Variants in TSBP1 observed in about 807,000 individuals in gnomAD.
The protein encoded by TSBP1 is testis expressed basic protein 1.
In TSBP1, 56 loss-of-function variants were observed where a neutral mutation model predicts 68.8. That is an observed-to-expected ratio of 0.81 (90% CI 0.66 to 1.02). The LOEUF is 1.02. Ranked by LOEUF, TSBP1 falls within the 50% of genes least tolerant of loss-of-function variation. The pLI is 0.00. For synonymous variants in TSBP1, 171 were observed against 208.7 expected, an observed-to-expected ratio of 0.82 and a Z score of 1.56; for missense variants, 502 against 641.2, an observed-to-expected ratio of 0.78 and a Z score of 2.34.
At chr6:32,329,171 A>G (rs1351418714) in intron 16 of TSBP1, among the ~76,000 whole-genome samples, 1 of 152,172 alleles carries the variant, frequency 6.6e-6, no homozygotes, top group Non-Finnish European at 1.5e-5. Context: ...ATAAAATAGC[A>G]ATATATTTTT....
chr6:32,330,527 G>A (rs539527072), intron 16 of TSBP1, 62 bp downstream of exon 17: 9 of 1,483,792 alleles, frequency 6.1e-6, no homozygotes, highest in Non-Finnish European at 7.5e-6. Context: ...CAGGGAACAG[G>A]CCCTCTAGAC....
intron 8 of TSBP1, among the ~76,000 whole-genome samples, chr6:32,353,229 C>CT (rs1771900841): frequency 6.6e-6 from 1 of 151,836 alleles, no homozygotes; most frequent in African/African-American, 2.4e-5. Context: ...TATTAGAACT[C>CT]TAAGAGCACA....
chr6:32,351,646 T>C (rs1771732798), intron 8 of TSBP1, among the ~76,000 whole-genome samples: 1 of 152,084 alleles, frequency 6.6e-6, no homozygotes, highest in Non-Finnish European at 1.5e-5. Flanking sequence ...TAAAGTTAAA[T>C]TTTTCTGTAA....
chr6:32,292,911 A>G lies in TSBP1; in HGVS notation c.*70T>C, dbSNP rs1176297603. ...GTAATCTGTTTAGGCAATGGCTGGG[A>G]TATGGTTTGTATCTGGAGTATGGGA... On this transcript the variant is annotated 3_prime_UTR_variant, in exon 23 of 23. Transcript: ENST00000612031. The surrounding 1 kb of genome is among the most constrained non-coding windows in gnomAD (Gnocchi z 4.1). 1 of 897,558 alleles carries G rather than the reference A, an allele frequency of 1.1e-6. No individual in the cohort carries two copies. Among genetic ancestry groups the G allele is most frequent in the Non-Finnish European group, 1.7e-6 (1 of 572,502 alleles). 55.6% of individuals were successfully genotyped at this position (897,558 alleles called of 1,614,324 possible). A position where few individuals can be genotyped will look rare whatever the true frequency, so the allele number is the denominator to read the frequency against.
chr6:32,349,165 TTG>T (rs1771406042), intron 9 of TSBP1, among the ~76,000 whole-genome samples: 1 of 151,674 alleles, frequency 6.6e-6, no homozygotes, highest in Admixed American at 6.6e-5. Flanking sequence ...ATTCATGTGG[TTG>T]TCTGGCTCAA....
At position 32,314,713 on chromosome 6, in the gene TSBP1, T is replaced by A. The variant is rs1766769497; in HGVS notation, c.580+1059A>T. Among the ~76,000 whole-genome samples, 1 of 152,256 alleles carries A rather than the reference T, an allele frequency of 6.6e-6. No individual in the cohort carries two copies. Among genetic ancestry groups the A allele is most frequent in the Admixed American group, 6.5e-5 (1 of 15,284 alleles). On this transcript the variant is annotated intron_variant, in intron 19 of 22. Transcript: ENST00000612031. This position sits in a 1 kb window ranked among gnomAD's most constrained non-coding sequence, Gnocchi z 4.2. ...AATAAAATGTTGTTATTATGAAAAC[T>A]ATATCCAGAGTGTGTTTAGAAGGAA...
intron 4 of TSBP1, 106 bp from the exon 5 acceptor site, chr6:32,366,408 G>A: frequency 9.4e-7 from 1 of 1,061,150 alleles, no homozygotes; most frequent in Non-Finnish European, 1.5e-6. Flanking sequence ...TTAGATCTCT[G>A]AGAAGAAAAA....
At chr6:32,309,405 T>A (rs1229913416) in intron 19 of TSBP1, among the ~76,000 whole-genome samples, 4 of 152,190 alleles carry the variant, frequency 2.6e-5, no homozygotes, top group Non-Finnish European at 5.9e-5. Context: ...GTAAACTCCC[T>A]GAAGTATGTC....
At chr6:32,296,467 ACAAT>A (rs1252951852) in intron 22 of TSBP1, among the ~76,000 whole-genome samples, 2 of 152,232 alleles carry the variant, frequency 1.3e-5, no homozygotes, top group South Asian at 2.1e-4. Context: ...TTTATTCTAG[ACAAT>A]CAATTTTCAG....
intron 21 of TSBP1, 56 bp from the exon 25 acceptor site, chr6:32,299,992 C>T: frequency 1.4e-6 from 2 of 1,414,418 alleles, no homozygotes; most frequent in Non-Finnish European, 2.0e-6. Context: ...CAAGAGAAAC[C>T]CACCTTCCAA....
intron 18 of TSBP1, among the ~76,000 whole-genome samples, chr6:32,322,211 C>A (rs939849267): frequency 6.6e-6 from 1 of 152,156 alleles, no homozygotes; most frequent in Non-Finnish European, 1.5e-5. Flanking sequence ...GGCGGTTTCA[C>A]GAATTCTATA....
rs767025585 is a variant in TSBP1 at position 32,341,917 on chromosome 6, TG to T, written c.350-2280del. 2.6e-4 allele frequency among the ~76,000 whole-genome samples: 39 copies of T among 152,282 alleles called. 1 individual carries two copies. Among genetic ancestry groups the T allele is most frequent in the Non-Finnish European group, 4.3e-4 (29 of 68,020 alleles). On this transcript the variant is annotated intron_variant, in intron 9 of 22. Coordinates refer to ENST00000612031, the Ensembl canonical transcript of TSBP1. ...ATGTAATAGTCAGTATGAAAACTTT[TG>T]TAGGAAAAGCACATAGATCAGAAAA... is the stretch of plus-strand genomic sequence containing the variant.
chr6:32,320,595 T>C (rs1305270810), intron 18 of TSBP1, among the ~76,000 whole-genome samples: 1 of 152,152 alleles, frequency 6.6e-6, no homozygotes, highest in Non-Finnish European at 1.5e-5. Flanking sequence ...TTGCAATGTG[T>C]TCCTATATTC....
intron 15 of TSBP1, among the ~76,000 whole-genome samples, chr6:32,331,264 C>CT (rs1399103157): frequency 6.6e-6 from 1 of 152,056 alleles, no homozygotes; most frequent in East Asian, 1.9e-4. Flanking sequence ...TCTTTATGTT[C>CT]TTGTTCATTT....
chr6:32,323,289 C>T, intron 17 of TSBP1, 152 bp from the exon 19 acceptor site: 1 of 660,196 alleles, frequency 1.5e-6, no homozygotes, highest in Non-Finnish European at 2.7e-6. Context: ...GTATTTGGCT[C>T]AGTTTCTTAT....
At position 32,321,797 on chromosome 6, in the gene TSBP1, G is replaced by A. The variant is rs1039117967; in HGVS notation, c.559+1320C>T. ...GATGGAACTAGAGGGGAGTATGTAA[G>A]TATGTTTGCAATCTGTTAGAGTAAC... On this transcript the variant is annotated intron_variant, in intron 18 of 22. Transcript: ENST00000612031. This position sits in a 1 kb window ranked among gnomAD's most constrained non-coding sequence, Gnocchi z 4.3. Among the ~76,000 whole-genome samples the A allele has an allele frequency of 6.6e-6, 1 of 152,224 alleles. No homozygotes were observed. The highest frequency in any genetic ancestry group is 6.5e-5 in the Admixed American group (1 of 15,288).
In TSBP1 at chr6:32,338,296, T is replaced by C. The variant is rs1305384538; in HGVS notation, c.409+683A>G. 6.6e-6 allele frequency among the ~76,000 whole-genome samples: 1 copy of C among 152,164 alleles called. No homozygotes were observed. The highest frequency in any genetic ancestry group is 2.4e-5 in the African/African-American group (1 of 41,444). On this transcript the variant is annotated intron_variant, in intron 11 of 22. Coordinates refer to ENST00000612031, the Ensembl canonical transcript of TSBP1. The surrounding 1 kb of genome is among the most constrained non-coding windows in gnomAD (Gnocchi z 5.5). ...GCAATAGGCTGAGACTCTGCATATC[T>C]AAAACTCCAGGGTGACGTTGATGCA... is the stretch of plus-strand genomic sequence containing the variant.
chr6:32,345,833 T>TC (rs1770948654), intron 9 of TSBP1, among the ~76,000 whole-genome samples: 1 of 152,202 alleles, frequency 6.6e-6, no homozygotes, highest in East Asian at 1.9e-4. Flanking sequence ...GTGAATTGCC[T>TC]ATGAGAATTA....
In TSBP1 at chr6:32,361,604, G is replaced by A. The variant is rs1454501591; in HGVS notation, c.217+4563C>T. Reference sequence around the variant, plus strand: ...TGAGATGGTATCTCACTGTGGTTTTGATTTGCATTTCTCTGATGGCCAGTG... The same window carrying A: ...TGAGATGGTATCTCACTGTGGTTTTAATTTGCATTTCTCTGATGGCCAGTG... On this transcript the variant is annotated intron_variant, in intron 6 of 22. Coordinates refer to ENST00000612031, the Ensembl canonical transcript of TSBP1. The surrounding 1 kb of genome is among the most constrained non-coding windows in gnomAD (Gnocchi z 4.3). 6.6e-6 allele frequency among the ~76,000 whole-genome samples: 1 copy of A among 152,074 alleles called. No homozygotes were observed. The highest frequency in any genetic ancestry group is 1.5e-5 in the Non-Finnish European group (1 of 68,010).
Sources: gnomAD v4.1 joint callset for allele counts (sites outside exome capture counted in the v4.1 genomes callset) on GRCh38, gnomAD v4.1.1 for gene constraint, Gnocchi (gnomAD v3.1) non-coding constraint, MANE v1.5 for transcripts, NCBI Gene and HGNC (gene_info 2026-07-23, HGNC 2026-07-21) for gene names.